Variants in SCARA5 observed in about 807,000 individuals in gnomAD.
The protein encoded by SCARA5 is scavenger receptor class A member 5, also known as scavenger receptor class A, member 5 (putative).
Under a neutral mutation model 46.3 loss-of-function variants are expected in SCARA5, and 45 were observed. The observed-to-expected ratio is 0.97, with a 90% CI of 0.76 to 1.24. SCARA5 has a LOEUF of 1.24. Ranked by LOEUF, SCARA5 falls within the 50% of genes most tolerant of loss-of-function variation. SCARA5 has a pLI of 0.00. For synonymous variants in SCARA5, 333 were observed against 306.5 expected (o/e 1.09, Z -0.90); for missense variants, 680 against 689.0 (o/e 0.99, Z 0.15).
At chr8:27,962,562 G>C (rs890834552) in intron 3 of SCARA5, among the ~76,000 whole-genome samples, 1 of 152,196 alleles carries the variant, frequency 6.6e-6, no homozygotes, top group East Asian at 1.9e-4. Flanking sequence ...GGAAGCTACA[G>C]TGTAGATGGA....
intron 4 of SCARA5, among the ~76,000 whole-genome samples, chr8:27,918,793 AGAG>A (rs370803624): frequency 1.5e-3 from 91 of 62,340 alleles, no homozygotes; most frequent in African/African-American, 3.7e-3. Context: ...AAGAGGAGAA[AGAG>A]GAGGAGGAGG....
chr8:27,939,269 G>T (rs1807905413), intron 3 of SCARA5, among the ~76,000 whole-genome samples: 1 of 152,128 alleles, frequency 6.6e-6, no homozygotes, highest in South Asian at 2.1e-4. Context: ...TGAATGGCTG[G>T]GCCCCGTGGT....
In SCARA5 at chr8:27,908,603, G is replaced by A. The variant is rs115136003; in HGVS notation, c.997+1060C>T. On this transcript the variant is annotated intron_variant, in intron 5 of 8. Transcript: ENST00000354914. ...ATGGCTGGAAGAAGACAGGTTTCTCGGAGAGAGCTGATTGGGTTTCCTCCT... is the reference window on the plus strand; with the variant it reads ...ATGGCTGGAAGAAGACAGGTTTCTCAGAGAGAGCTGATTGGGTTTCCTCCT... Among the ~76,000 whole-genome samples the A allele has an allele frequency of 7.2e-3, 1,096 of 152,286 alleles. 17 individuals carry two copies. The highest frequency in any genetic ancestry group is 0.025 in the African/African-American group (1,053 of 41,560).
chr8:27,890,485 A>G (rs904941646), intron 7 of SCARA5, among the ~76,000 whole-genome samples: 4 of 152,254 alleles, frequency 2.6e-5, no homozygotes, highest in Non-Finnish European at 1.5e-5. Flanking sequence ...TTAACATGAC[A>G]CGTGGCTGGC....
rs138879256 is a variant in SCARA5, at chr8:27,901,851, C to T, written c.1153+2927G>A. 7.9e-3 allele frequency among the ~76,000 whole-genome samples: 1,196 copies of T among 152,310 alleles called. 10 individuals carry two copies. The highest frequency in any genetic ancestry group is 0.02 in the South Asian group (97 of 4,832). On this transcript the variant is annotated intron_variant, in intron 7 of 8. Coordinates refer to ENST00000354914, the MANE Select transcript of SCARA5 (RefSeq NM_173833.6). ...AAGACCAGGGGCCGAAGCCCCCATC[C>T]CAGGGTCAGGAAGTCAGCGGCTGGG...
At chr8:27,970,405 C>A (rs1461103580) in intron 2 of SCARA5, among the ~76,000 whole-genome samples, 1 of 152,194 alleles carries the variant, frequency 6.6e-6, no homozygotes, top group Non-Finnish European at 1.5e-5. Context: ...ACCCACCCAC[C>A]AAAGTGCCAT....
chr8:27,901,188 T>TCCAGGGAAA (rs1807147276), intron 7 of SCARA5, among the ~76,000 whole-genome samples: 1 of 152,198 alleles, frequency 6.6e-6, no homozygotes, highest in Admixed American at 6.5e-5. Context: ...AACCCCCAAC[T>TCCAGGGAAA]TCCACGTCCC....
At chr8:27,972,660 T>C (rs1808465177) in intron 2 of SCARA5, among the ~76,000 whole-genome samples, 1 of 152,128 alleles carries the variant, frequency 6.6e-6, no homozygotes, top group Non-Finnish European at 1.5e-5. Context: ...GCTCAGGAAT[T>C]TAAAACCAGC....
chr8:27,930,630 G>C (rs1234279933), intron 3 of SCARA5, among the ~76,000 whole-genome samples: 1 of 152,148 alleles, frequency 6.6e-6, no homozygotes, highest in East Asian at 1.9e-4. Flanking sequence ...TCGAACTCCG[G>C]ACCTCAGGTG....
At chr8:27,882,584 TCACTTTCC>T (rs1806828563) in intron 7 of SCARA5, among the ~76,000 whole-genome samples, 1 of 152,216 alleles carries the variant, frequency 6.6e-6, no homozygotes, top group African/African-American at 2.4e-5. Flanking sequence ...TCATTCATGT[TCACTTTCC>T]CACTAGGCTG....
At chr8:27,900,781 C>A (rs939570762) in intron 7 of SCARA5, among the ~76,000 whole-genome samples, 6 of 144,376 alleles carry the variant, frequency 4.2e-5, no homozygotes, top group African/African-American at 1.6e-4. Flanking sequence ...GATATGTATA[C>A]GTAGCGGGTT....
intron 4 of SCARA5, among the ~76,000 whole-genome samples, chr8:27,920,042 G>A (rs1807556237): frequency 6.6e-6 from 1 of 151,902 alleles, no homozygotes. Flanking sequence ...GATGGTGAGT[G>A]CAGCAGGAAG....
intron 3 of SCARA5, among the ~76,000 whole-genome samples, chr8:27,955,418 G>A (rs1808192843): frequency 6.6e-6 from 1 of 152,256 alleles, no homozygotes. Context: ...CAGGCACCCA[G>A]GGATGCTGCC....
chr8:27,877,352 C>A (rs1005657874), intron 8 of SCARA5, among the ~76,000 whole-genome samples: 1 of 152,142 alleles, frequency 6.6e-6, no homozygotes, highest in Non-Finnish European at 1.5e-5. Context: ...AGCTTCCTAT[C>A]GACCAGTTTA....
intron 7 of SCARA5, among the ~76,000 whole-genome samples, chr8:27,882,614 G>A (rs1335387575): frequency 5.3e-5 from 8 of 152,310 alleles, no homozygotes; most frequent in South Asian, 4.2e-4. Context: ...GAGTGTGAAA[G>A]TGCTTTAAGC....
At position 27,904,833 on chromosome 8, in the gene SCARA5, A is replaced by C; in HGVS notation, c.1098T>G (p.Gly366=). Reference sequence around the variant, plus strand: ...CTTTCTCTCCTTTTGGGCCTCGGTCACCTAAAACAGAGGAGGAAACTGGCA... The same window carrying C: ...CTTTCTCTCCTTTTGGGCCTCGGTCCCCTAAAACAGAGGAGGAAACTGGCA... ...TGPMGMRGFK[G]DRGPKGEKGE... The change falls in exon 7 of 9, where the codon GGT becomes GGG. Residue 366 remains glycine, a splice_region_variant and synonymous_variant. Transcript: ENST00000354914. 1.9e-6 allele frequency: 3 copies of C among 1,607,104 alleles called. No homozygotes were observed. The highest frequency in any genetic ancestry group is 1.7e-4 in the Middle Eastern group (1 of 6,052).
At position 27,945,024 on chromosome 8, in the gene SCARA5, G is replaced by C. The variant is rs181418481; in HGVS notation, c.241+21390C>G. Among the ~76,000 whole-genome samples the C allele has an allele frequency of 3.3e-5, 5 of 152,096 alleles. No individual in the cohort carries two copies. In the South Asian group the frequency reaches 8.3e-4, roughly 25 times the overall value. On this transcript the variant is annotated intron_variant, in intron 3 of 8. Coordinates refer to ENST00000354914, the MANE Select transcript of SCARA5 (RefSeq NM_173833.6). ...ACTAAAAATACAAAAAATTAGCCAG[G>C]TGTGGTGGTATAGGCCTGTAGTGCC...
chr8:27,963,165 ACC>A (rs1305733428), intron 3 of SCARA5, among the ~76,000 whole-genome samples: 1 of 152,126 alleles, frequency 6.6e-6, no homozygotes, highest in African/African-American at 2.4e-5. Context: ...GTTCCTGATG[ACC>A]ACACCCAGTC....
rs142544679 is a variant in SCARA5, at chr8:27,964,546, T to C, written c.241+1868A>G. Among the ~76,000 whole-genome samples, 479 of 152,332 alleles carry C rather than the reference T, an allele frequency of 3.1e-3. 5 individuals are homozygous for C. The highest frequency in any genetic ancestry group is 0.011 in the African/African-American group (460 of 41,568). ...ATCTCCAAGCCAGGAGAAAGCCTTT[T>C]TTTCATCATACTGGACGGCACTACT... is the stretch of plus-strand genomic sequence containing the variant. On this transcript the variant is annotated intron_variant, in intron 3 of 8. Transcript: ENST00000354914.
Sources: allele counts gnomAD v4.1 joint callset (sites outside exome capture counted in the v4.1 genomes callset), GRCh38; gene constraint gnomAD v4.1.1; transcripts MANE v1.5; gene names NCBI Gene and HGNC (gene_info 2026-07-23, HGNC 2026-07-21).